TRIM2: variants seen among roughly 807,000 people sequenced by gnomAD.
TRIM2 encodes tripartite motif containing 2.
In TRIM2, 20 loss-of-function variants were observed where a neutral mutation model predicts 75.2. The ratio of observed to expected loss-of-function variants is 0.27; its 90% CI spans 0.19 to 0.39. TRIM2 has a LOEUF of 0.39. TRIM2 is among the 10% of genes least tolerant of loss of function. The pLI is 1.00. For missense variants in TRIM2, 660 were observed against 990.8 expected, an observed-to-expected ratio of 0.67 and a Z score of 4.48; for synonymous variants, 373 against 388.3, an observed-to-expected ratio of 0.96 and a Z score of 0.46.
intron 9 of TRIM2, among the ~76,000 whole-genome samples, chr4:153,323,346 A>C (rs1411677407): frequency 2.0e-5 from 3 of 152,226 alleles, no homozygotes; most frequent in Non-Finnish European, 4.4e-5. Flanking sequence ...AAAATAGCTT[A>C]TTAATTTTCT....
At chr4:153,260,679 CCCACACACCCA>C (rs1753189412) in intron 1 of TRIM2, among the ~76,000 whole-genome samples, 1 of 95,088 alleles carries the variant, frequency 1.1e-5, no homozygotes, top group African/African-American at 3.5e-5. Flanking sequence ...CACACACCCA[CCCACACACCCA>C]CCCCCCCCCC....
chr4:153,256,892 G>T (rs1003734890), intron 1 of TRIM2, among the ~76,000 whole-genome samples: 7 of 151,922 alleles, frequency 4.6e-5, no homozygotes, highest in African/African-American at 1.7e-4. Flanking sequence ...AGTAGTAGGG[G>T]CTTGTGGAAC....
intron 1 of TRIM2, among the ~76,000 whole-genome samples, chr4:153,164,784 C>A (rs903260755): frequency 6.6e-6 from 1 of 152,082 alleles, no homozygotes; most frequent in African/African-American, 2.4e-5. Flanking sequence ...TCTGTCTTTC[C>A]TTTCTTATGA....
intron 1 of TRIM2, among the ~76,000 whole-genome samples, chr4:153,205,337 G>T (rs1454802987): frequency 1.3e-5 from 2 of 152,146 alleles, no homozygotes; most frequent in Non-Finnish European, 2.9e-5. Flanking sequence ...ACCGGTCTTT[G>T]GTGCCTGCTT....
At chr4:153,232,250 C>T (rs184620111) in intron 1 of TRIM2, among the ~76,000 whole-genome samples, 9 of 152,240 alleles carry the variant, frequency 5.9e-5, no homozygotes, top group Admixed American at 4.6e-4. Flanking sequence ...AGGTGGCTGA[C>T]GCCTGTAATC....
chr4:153,194,165 G>A (rs1337618189), intron 1 of TRIM2, among the ~76,000 whole-genome samples: 1 of 152,190 alleles, frequency 6.6e-6, no homozygotes, highest in Non-Finnish European at 1.5e-5. Flanking sequence ...GATGGGGAAA[G>A]AGTGAAGAAG....
chr4:153,317,306 G>T (rs185621019), intron 8 of TRIM2, among the ~76,000 whole-genome samples: 79 of 151,944 alleles, frequency 5.2e-4, no homozygotes, highest in African/African-American at 1.8e-3. Context: ...TCTGCAAATC[G>T]TAACTTCCTT....
At chr4:153,266,033 C>T (rs1223788363) in intron 1 of TRIM2, among the ~76,000 whole-genome samples, 1 of 152,192 alleles carries the variant, frequency 6.6e-6, no homozygotes, top group Non-Finnish European at 1.5e-5. Context: ...TAGAGAGACA[C>T]TCTATGGAAA....
In TRIM2 at chr4:153,218,637, C is replaced by T. The variant is rs1007685001; in HGVS notation, c.30+14077C>T. On this transcript the variant is annotated intron_variant, in intron 1 of 11. Transcript: ENST00000338700. ...TCCCAAGTCAAGTCTACAAGTCTAC[C>T]CTTTCCGTATAGTATTTCCTGGGCT... Among the ~76,000 whole-genome samples the T allele has an allele frequency of 2.6e-5, 4 of 152,162 alleles. No individual in the cohort carries two copies. In the East Asian group the frequency reaches 7.7e-4, roughly 29 times the overall value.
In TRIM2 at chr4:153,172,104, T is replaced by C. The variant is rs141126054; in HGVS notation, c.-49+18834T>C. Among the ~76,000 whole-genome samples the C allele has an allele frequency of 2.6e-3, 399 of 151,710 alleles. 3 individuals carry two copies. Among genetic ancestry groups the C allele is most frequent in the African/African-American group, 9.2e-3 (381 of 41,450 alleles). The stretch of plus-strand genomic sequence containing the variant: ...GTGTATTTGGTTATGTCTCTTGTAT[T>C]TTCTCTCATAGTTTCACCTCCCCTT... On this transcript the variant is annotated intron_variant, in intron 1 of 11. Transcript: ENST00000437508.
At chr4:153,327,338 C>G (rs1034908447) in intron 10 of TRIM2, among the ~76,000 whole-genome samples, 1 of 152,112 alleles carries the variant, frequency 6.6e-6, no homozygotes, top group African/African-American at 2.4e-5. Context: ...AGGTACTTAC[C>G]TAAAAGTAAT....
At chr4:153,158,807 G>T (rs1489220636) in intron 1 of TRIM2, among the ~76,000 whole-genome samples, 1 of 152,156 alleles carries the variant, frequency 6.6e-6, no homozygotes, top group African/African-American at 2.4e-5. Flanking sequence ...GAACTGGAAA[G>T]GTAAGCCGAG....
In TRIM2 at chr4:153,175,398, C is replaced by G. The variant is rs186086568; in HGVS notation, c.-49+22128C>G. Among the ~76,000 whole-genome samples, 7 of 152,234 alleles carry G rather than the reference C, an allele frequency of 4.6e-5. No homozygotes were observed. The South Asian group carries it at 8.3e-4, about 18-fold the overall frequency. On this transcript the variant is annotated intron_variant, in intron 1 of 11. Coordinates refer to the TRIM2 transcript ENST00000437508. The stretch of plus-strand genomic sequence containing the variant: ...AGTGATGTGCACAGCCGGATATTCC[C>G]TATCCTTGAGCAATGCAAGAACTCT...
At chr4:153,326,718 C>T (rs144068018) in intron 10 of TRIM2, among the ~76,000 whole-genome samples, 48 of 152,334 alleles carry the variant, frequency 3.2e-4, no homozygotes, top group African/African-American at 9.6e-4. Context: ...CAGTGGCTCA[C>T]GCCTGTAATC....
chr4:153,240,801 G>A (rs549783893), intron 1 of TRIM2, among the ~76,000 whole-genome samples: 7 of 152,180 alleles, frequency 4.6e-5, no homozygotes, highest in Non-Finnish European at 7.4e-5. Flanking sequence ...TTCCCTGGCC[G>A]GGCGTGGTGG....
intron 3 of TRIM2, among the ~76,000 whole-genome samples, chr4:153,291,146 G>A (rs1761771830): frequency 6.6e-6 from 1 of 152,024 alleles, no homozygotes; most frequent in Admixed American, 6.5e-5. Context: ...AAATTATCTT[G>A]GACATGGTTT....
chr4:153,221,972 GAGGA>G lies in TRIM2; in HGVS notation c.30+17424_30+17427del, dbSNP rs1222918043. On this transcript the variant is annotated intron_variant, in intron 1 of 11. Coordinates refer to ENST00000338700, the MANE Select transcript of TRIM2 (RefSeq NM_015271.5). ...GGAAGGAAGGAAAGAGGGAGGAAGG[GAGGA>G]AGGAAGGAAGGGAGAGAGGAAGGAA... is the stretch of plus-strand genomic sequence containing the variant. Among the ~76,000 whole-genome samples, 7 of 64,078 alleles carry G rather than the reference GAGGA, an allele frequency of 1.1e-4. 1 individual carries two copies. The highest frequency in any genetic ancestry group is 8.0e-4 in the South Asian group (1 of 1,246). 42.0% of individuals were successfully genotyped at this position (64,078 alleles called of 152,430 possible).
intron 1 of TRIM2, among the ~76,000 whole-genome samples, chr4:153,190,634 T>C (rs2149658417): frequency 6.6e-6 from 1 of 152,278 alleles, no homozygotes; most frequent in African/African-American, 2.4e-5. Flanking sequence ...AGAAAAAAGA[T>C]GGATGTCATT....
intron 1 of TRIM2, among the ~76,000 whole-genome samples, chr4:153,192,365 G>C (rs1560799168): frequency 6.6e-6 from 1 of 152,242 alleles, no homozygotes; most frequent in South Asian, 2.1e-4. Flanking sequence ...CCAACACTTT[G>C]GGAGGCCAAG....
Sources: allele counts gnomAD v4.1 joint callset (sites outside exome capture counted in the v4.1 genomes callset), GRCh38; gene constraint gnomAD v4.1.1; transcripts MANE v1.5; gene names NCBI Gene and HGNC (gene_info 2026-07-23, HGNC 2026-07-21).